SACS: variants seen among roughly 807,000 people sequenced by gnomAD.
SACS encodes the protein sacsin.
SACS carries 197 observed loss-of-function variants against 348.0 expected under a neutral mutation model. That is an observed-to-expected ratio of 0.57 (90% CI 0.50 to 0.64). SACS has a LOEUF of 0.64. SACS is among the 30% of genes least tolerant of loss of function. The probability of loss-of-function intolerance (pLI) is 0.00; values close to 1 mark genes in which losing one functional copy is unlikely to be tolerated. For missense variants in SACS, 4,999 were observed against 5,360.8 expected, an observed-to-expected ratio of 0.93 and a Z score of 2.11; for synonymous variants, 1,985 against 1,910.6, an observed-to-expected ratio of 1.04 and a Z score of -1.02.
At position 23,333,832 on chromosome 13, in the gene SACS, C is replaced by A; in HGVS notation, c.10044G>T (p.Leu3348Phe). The change falls in exon 10 of 10, where the codon TTG becomes TTT. Residue 3348 changes from leucine to phenylalanine, a missense_variant. By Grantham distance (22) the Leu-to-Phe change is conservative. Around this residue, in one of 6 missense-constraint regions of SACS, gnomAD observed 734 missense variants for 694.0 expected, o/e 1.06. Transcript: ENST00000382292. ...TCTCTATATTTGCTGTGTGACATGA[C>A]AACAAAGGAACAAATGCACTGTCTT... ...CSKDSAFVPL[L>F]SCHTANIESP... The A allele has an allele frequency of 6.2e-7, 1 of 1,613,768 alleles. No homozygotes were observed. Among genetic ancestry groups the A allele is most frequent in the Non-Finnish European group, 8.5e-7 (1 of 1,179,824 alleles).
chr13:23,423,236 AAT>A (rs958492732), intron 1 of SACS, among the ~76,000 whole-genome samples: 12 of 152,184 alleles, frequency 7.9e-5, no homozygotes, highest in Non-Finnish European at 1.3e-4. Context: ...TCTATATATG[AAT>A]ATACGAATAT....
Position 23,335,676 on chromosome 13 carries a change from C to T in SACS, c.8200G>A (p.Gly2734Arg), listed in dbSNP as rs1593126642. ...QNLLDKLRSD[G>R]AELLMFLNHM... ...TTAAGAAACATTAGAAGTTCTGCCC[C>T]ATCTGAGCGCAGTTTGTCCAAAAGA... is the stretch of plus-strand genomic sequence containing the variant. Residue 2734 changes from glycine to arginine, a missense_variant, in exon 10 of 10, where the codon GGG becomes AGG. By Grantham distance (125) the Gly-to-Arg change is moderately radical. Around this residue, in one of 6 missense-constraint regions of SACS, gnomAD observed 3,156 missense variants for 3,380.1 expected, o/e 0.93. Coordinates refer to ENST00000382292, the MANE Select transcript of SACS (RefSeq NM_014363.6). This position sits in a 1 kb window ranked among gnomAD's most constrained non-coding sequence, Gnocchi z 4.7. 1 of 1,613,998 alleles carries T rather than the reference C, an allele frequency of 6.2e-7. No homozygotes were observed. The highest frequency in any genetic ancestry group is 2.2e-5 in the East Asian group (1 of 44,884).
intron 9 of SACS, among the ~76,000 whole-genome samples, chr13:23,344,387 A>G (rs1244139840): frequency 1.3e-5 from 2 of 151,068 alleles, no homozygotes; most frequent in African/African-American, 4.8e-5. Context: ...AATGCCAACA[A>G]AACACACACA....
intron 1 of SACS, among the ~76,000 whole-genome samples, chr13:23,416,308 TGG>T (rs1433529332): frequency 1.4e-5 from 2 of 140,102 alleles, no homozygotes; most frequent in Non-Finnish European, 3.3e-5. Context: ...AAAAATGTCT[TGG>T]GGATAAACCC....
chr13:23,377,161 G>A (rs67275472), intron 2 of SACS, among the ~76,000 whole-genome samples: 20,365 of 152,226 alleles, frequency 0.13, 1,733 homozygotes, highest in Non-Finnish European at 0.18. Context: ...GTGCTAATGG[G>A]TGTGGGGTTT....
rs779918629 is a variant in SACS at position 23,336,554 on chromosome 13, T to G, written c.7322A>C (p.Gln2441Pro). ...GIWSLIREKK[Q>P]EFCEKNYGKI... ...GCCATAATTTTTCTCACAAAATTCT[T>G]GTTTCTTTTCTCTAATGAGACTCCA... The change falls in exon 10 of 10, where the codon CAA becomes CCA. Residue 2441 changes from glutamine (Q) to proline (P), a missense_variant. Coordinates refer to ENST00000382292, the MANE Select transcript of SACS (RefSeq NM_014363.6). The G allele has an allele frequency of 1.2e-6, 2 of 1,613,834 alleles. No homozygotes were observed. Among genetic ancestry groups the G allele is most frequent in the South Asian group, 2.2e-5 (2 of 91,066 alleles).
chr13:23,384,258 T>C (rs927030562), intron 2 of SACS, among the ~76,000 whole-genome samples: 3 of 152,216 alleles, frequency 2.0e-5, no homozygotes, highest in African/African-American at 7.2e-5. Context: ...ATCTTCAGCA[T>C]TTAACTTCCA....
Position 23,333,310 on chromosome 13 carries a change from T to G in SACS, c.10566A>C (p.Glu3522Asp), listed in dbSNP as rs1294148910. 1.2e-6 allele frequency: 2 copies of G among 1,603,934 alleles called. No individual in the cohort carries two copies. Among genetic ancestry groups the G allele is most frequent in the African/African-American group, 2.7e-5 (2 of 74,278 alleles). The change falls in exon 10 of 10, where the codon GAA (glutamate) becomes GAC (aspartate). Residue 3522 changes from glutamate (E) to aspartate (D), a missense_variant. Glu to Asp is a conservative substitution (Grantham distance 45). Transcript: ENST00000382292. The stretch of plus-strand genomic sequence containing the variant: ...TAGCATCATGGATTATCAATAAACT[T>G]TCCAGTTTTTCAAAAAGTTGTTCCT... ...EIKEQLFEKL[E>D]SLLIIHDANS...
At chr13:23,385,990 A>G (rs1008434011) in intron 2 of SACS, among the ~76,000 whole-genome samples, 2 of 152,220 alleles carry the variant, frequency 1.3e-5, no homozygotes, top group Non-Finnish European at 2.9e-5. Context: ...GGCTTAAAAT[A>G]TTCCGTAAAC....
chr13:23,415,007 C>T (rs993382245), intron 1 of SACS, among the ~76,000 whole-genome samples: 4 of 152,020 alleles, frequency 2.6e-5, no homozygotes, highest in East Asian at 1.9e-4. Flanking sequence ...ATAATCCAGT[C>T]TTTAATTTCA....
chr13:23,331,946 A>T lies in SACS; in HGVS notation c.11930T>A (p.Ile3977Lys). Reference sequence around the variant, plus strand: ...CTCTTCATCTAATTGTTCTTCAAGTATACTGCTCAATAATCGAGGTCTAAG... The same window carrying T: ...CTCTTCATCTAATTGTTCTTCAAGTTTACTGCTCAATAATCGAGGTCTAAG... ...QKLRPRLLSS[I>K]LEEQLDEETP... The change falls in exon 10 of 10, where the codon ATA (isoleucine) becomes AAA (lysine). Residue 3977 changes from isoleucine (I) to lysine (K), a missense_variant. Ile to Lys is a moderately radical substitution (Grantham distance 102). Transcript: ENST00000382292. 1 of 1,614,108 alleles carries T rather than the reference A, an allele frequency of 6.2e-7. No individual in the cohort carries two copies. Among genetic ancestry groups the T allele is most frequent in the Non-Finnish European group, 8.5e-7 (1 of 1,179,958 alleles).
intron 2 of SACS, among the ~76,000 whole-genome samples, chr13:23,390,364 T>C (rs895881012): frequency 3.3e-5 from 5 of 152,140 alleles, no homozygotes; most frequent in Non-Finnish European, 7.4e-5. Flanking sequence ...ACAAATGAGA[T>C]CATTTAAAAT....
At chr13:23,351,041 A>C (rs898752600) in intron 9 of SACS, among the ~76,000 whole-genome samples, 3 of 152,074 alleles carry the variant, frequency 2.0e-5, no homozygotes, top group Non-Finnish European at 4.4e-5. Context: ...CTCCAATATC[A>C]CAATAATCAG....
chr13:23,355,529 T>C lies in SACS; in HGVS notation c.1083A>G (p.Lys361=), dbSNP rs755779338. 4.3e-6 allele frequency: 7 copies of C among 1,614,144 alleles called. No individual in the cohort carries two copies. In the South Asian group the frequency reaches 5.5e-5, roughly 13 times the overall value. Residue 361 remains lysine, a synonymous_variant, in exon 8 of 10, where the codon AAA becomes AAG. Coordinates refer to ENST00000382292, the MANE Select transcript of SACS (RefSeq NM_014363.6). ...ILGTAISNYC[K]KTPSNNITCV... ...AGGTGATGTTATTGCTTGGAGTCTTTTTACAATAGTTACTTATAGCAGTTC... is the reference window on the plus strand; with the variant it reads ...AGGTGATGTTATTGCTTGGAGTCTTCTTACAATAGTTACTTATAGCAGTTC...
Position 23,354,969 on chromosome 13 carries a change from A to G in SACS, c.1643T>C (p.Val548Ala), listed in dbSNP as rs761113020. ...ASKVKVHWQPVLEPLFSELLQ... is the reference protein window; with the variant it reads ...ASKVKVHWQPALEPLFSELLQ... ...CAGCTCGCTGAATAGAGGCTCTAAC[A>G]CCGGTTGCCAGTGCACCTTGACTTT... The change falls in exon 8 of 10, where the codon GTG becomes GCG. Residue 548 changes from valine to alanine, a missense_variant. By Grantham distance (64) the Val-to-Ala change is moderately conservative. This residue lies in a region of SACS where 3,156 missense variants were observed against 3,380.1 expected (regional missense o/e 0.93). Transcript: ENST00000382292. 24 of 1,614,196 alleles carry G rather than the reference A, an allele frequency of 1.5e-5. No individual in the cohort carries two copies. Among genetic ancestry groups the G allele is most frequent in the Admixed American group, 3.3e-5 (2 of 60,032 alleles).
intron 2 of SACS, among the ~76,000 whole-genome samples, chr13:23,393,885 C>T (rs544708010): frequency 5.9e-5 from 9 of 152,246 alleles, no homozygotes; most frequent in East Asian, 1.9e-4. Context: ...CTCAGCCTCC[C>T]GAGTAGCTGG....
Position 23,329,835 on chromosome 13 carries a change from C to T in SACS, c.*301G>A, listed in dbSNP as rs967762704. On this transcript the variant is annotated 3_prime_UTR_variant, in exon 10 of 10. Coordinates refer to ENST00000382292, the MANE Select transcript of SACS (RefSeq NM_014363.6). ...TCCTAACCAGAGACATACATAGACT[C>T]TTATCTAACAAACTGCTAAGCTTTG... 2 of 497,708 alleles carry T rather than the reference C, an allele frequency of 4.0e-6. No individual in the cohort carries two copies. Among genetic ancestry groups the T allele is most frequent in the African/African-American group, 3.9e-5 (2 of 51,802 alleles). The allele number at this position is 497,708 out of a possible 1,614,324, so 30.8% of individuals were successfully genotyped here.
chr13:23,420,437 A>C (rs1873884423), intron 1 of SACS, among the ~76,000 whole-genome samples: 2 of 152,006 alleles, frequency 1.3e-5, no homozygotes, highest in South Asian at 2.1e-4. Context: ...TCTACCTAGA[A>C]TCCAGTGTCT....
chr13:23,353,740 A>AT, intron 9 of SACS, 45 bp downstream of exon 9: 1 of 1,112,442 alleles, frequency 9.0e-7, no homozygotes, highest in Non-Finnish European at 1.3e-6. Context: ...AAAAACTTGT[A>AT]TTTTTATATA....
Sources: allele counts gnomAD v4.1 joint callset (sites outside exome capture counted in the v4.1 genomes callset), GRCh38; gene constraint gnomAD v4.1.1; regional missense constraint gnomAD v4.1.1; non-coding constraint Gnocchi (gnomAD v3.1); transcripts MANE v1.5; gene names NCBI Gene and HGNC (gene_info 2026-07-23, HGNC 2026-07-21).